METTL2A: variants seen among roughly 807,000 people sequenced by gnomAD.
METTL2A encodes the protein methyltransferase 2A, tRNA N3-cytidine.
In METTL2A, 45 loss-of-function variants were observed where a neutral mutation model predicts 49.4. The ratio of observed to expected loss-of-function variants is 0.91; its 90% confidence interval spans 0.72 to 1.17. The LOEUF is 1.17. Ranked by LOEUF, METTL2A falls within the 50% of genes most tolerant of loss-of-function variation. The probability of loss-of-function intolerance (pLI) is 0.00; values close to 1 mark genes in which losing one functional copy is unlikely to be tolerated. For missense variants in METTL2A, 361 were observed against 462.2 expected (o/e 0.78, Z 2.01); for synonymous variants, 118 against 167.5 (o/e 0.70, Z 2.28).
In METTL2A at chr17:62,450,682, C is replaced by A. The variant is rs1567739094; in HGVS notation, c.*1953C>A. ...TCCACTAAAAAATAAAAAATCAGCC[C>A]GGCATGGCTGTGGGCGCCTGTAATC... On this transcript the variant is annotated 3_prime_UTR_variant, in exon 9 of 9. Coordinates refer to ENST00000311506, the MANE Select transcript of METTL2A (RefSeq NM_181725.4). 6.6e-6 allele frequency: 1 copy of A among 151,840 alleles called. No homozygotes were observed. Among genetic ancestry groups the A allele is most frequent in the Admixed American group, 6.6e-5 (1 of 15,216 alleles). 9.4% of individuals were successfully genotyped at this position (151,840 alleles called of 1,614,324 possible). A position where few individuals can be genotyped will look rare whatever the true frequency, so the allele number is the denominator to read the frequency against.
At chr17:62,445,741 G>T (rs2144156923) in intron 7 of METTL2A, among the ~76,000 whole-genome samples, 1 of 151,406 alleles carries the variant, frequency 6.6e-6, no homozygotes, top group Admixed American at 6.6e-5. Flanking sequence ...AGGTTGCAGT[G>T]AGCCAAGATC....
At chr17:62,430,604 C>T (rs1240599954) in intron 4 of METTL2A, among the ~76,000 whole-genome samples, 1 of 152,208 alleles carries the variant, frequency 6.6e-6, no homozygotes, top group Admixed American at 6.5e-5. Flanking sequence ...GTTTCTACTA[C>T]ACTATTTCCT....
intron 4 of METTL2A, among the ~76,000 whole-genome samples, chr17:62,433,478 G>C (rs1348139206): frequency 6.6e-6 from 1 of 150,766 alleles, no homozygotes; most frequent in Non-Finnish European, 1.5e-5. Context: ...GGTGGCTCAT[G>C]CCTGTAATCT....
At chr17:62,442,487 C>T (rs1487138981) in intron 6 of METTL2A, among the ~76,000 whole-genome samples, 2 of 152,144 alleles carry the variant, frequency 1.3e-5, no homozygotes, top group Non-Finnish European at 2.9e-5. Flanking sequence ...CTATGTTGGC[C>T]AGGCTGGTCT....
rs999386885 is a variant in METTL2A at position 62,452,069 on chromosome 17, C to CA, written c.*3348dup. Among the ~76,000 whole-genome samples, 5 of 151,834 alleles carry CA rather than the reference C, an allele frequency of 3.3e-5. No homozygotes were observed. Among genetic ancestry groups the CA allele is most frequent in the African/African-American group, 9.7e-5 (4 of 41,306 alleles). ...TGAGACTCCGTCTCAAAATAAAAAA[C>CA]AAAAAAAATGTAAAAAATAAATAAT... On this transcript the variant is annotated 3_prime_UTR_variant, in exon 9 of 9. Transcript: ENST00000311506.
intron 4 of METTL2A, among the ~76,000 whole-genome samples, chr17:62,431,653 T>A (rs1192533185): frequency 6.6e-6 from 1 of 152,228 alleles, no homozygotes. Context: ...TTTCTTTTTA[T>A]ATATAGCAGC....
chr17:62,429,280 C>T (rs2070648706), intron 4 of METTL2A, among the ~76,000 whole-genome samples: 1 of 151,974 alleles, frequency 6.6e-6, no homozygotes, highest in Non-Finnish European at 1.5e-5. Flanking sequence ...TCAGTGTGGT[C>T]CTGAGGGAGT....
At chr17:62,446,152 T>G (rs944874428) in intron 7 of METTL2A, among the ~76,000 whole-genome samples, 10 of 151,782 alleles carry the variant, frequency 6.6e-5, no homozygotes, top group African/African-American at 2.2e-4. Flanking sequence ...AAAAAGAAAT[T>G]GTTACAGCCT....
chr17:62,426,415 C>G lies in METTL2A; in HGVS notation c.319C>G (p.Gln107Glu). Residue 107 changes from glutamine to glutamate, a missense_variant, in exon 3 of 9, where the codon CAA becomes GAA. Around this residue, in one of 3 missense-constraint regions of METTL2A, gnomAD observed 150 missense variants for 170.1 expected, o/e 0.88. Transcript: ENST00000311506. ...FTEFPELAPS[Q>E]NQNHLKDWFL... is the part of the protein sequence containing the mutation. ...CGAATTCCCTGAGCTGGCACCTAGC[C>G]AAAATCAAAATCATTTGAAGGACTG... 2 of 1,613,994 alleles carry G rather than the reference C, an allele frequency of 1.2e-6. No homozygotes were observed. The highest frequency in any genetic ancestry group is 2.2e-5 in the South Asian group (2 of 91,066).
chr17:62,449,384 T>G lies in METTL2A; in HGVS notation c.*655T>G, dbSNP rs2070790941. The stretch of plus-strand genomic sequence containing the variant: ...CTACAGAGAGCATCAAAATGTGGTG[T>G]TCTTGTTAAGTAATTGATCGTGGTC... On this transcript the variant is annotated 3_prime_UTR_variant, in exon 9 of 9. Coordinates refer to ENST00000311506, the MANE Select transcript of METTL2A (RefSeq NM_181725.4). 1 of 452,976 alleles carries G rather than the reference T, an allele frequency of 2.2e-6. No individual in the cohort carries two copies. The highest frequency in any genetic ancestry group is 2.4e-5 in the Admixed American group (1 of 42,364). The allele number at this position is 452,976 out of a possible 1,614,324, so 28.1% of individuals were successfully genotyped here.
chr17:62,445,294 TA>T lies in METTL2A; in HGVS notation c.916+364del, dbSNP rs879814317. On this transcript the variant is annotated intron_variant, in intron 7 of 8. Coordinates refer to ENST00000311506, the MANE Select transcript of METTL2A (RefSeq NM_181725.4). Reference sequence around the variant, plus strand: ...TGTACCCCAGAACTTAAAGTATAATTAAAAAAAAAAAAAGGTATTTGGCCAC... The same window carrying T: ...TGTACCCCAGAACTTAAAGTATAATTAAAAAAAAAAAAGGTATTTGGCCAC... Among the ~76,000 whole-genome samples, 1,317 of 137,236 alleles carry T rather than the reference TA, an allele frequency of 9.6e-3. 8 individuals carry two copies. The highest frequency in any genetic ancestry group is 0.021 in the African/African-American group (793 of 37,490). 90.0% of individuals were successfully genotyped at this position (137,236 alleles called of 152,430 possible). A position where few individuals can be genotyped will look rare whatever the true frequency, so the allele number is the denominator to read the frequency against.
chr17:62,440,637 T>G lies in METTL2A; in HGVS notation c.690T>G (p.Pro230=). 6.2e-7 allele frequency: 1 copy of G among 1,613,338 alleles called. No homozygotes were observed. The highest frequency in any genetic ancestry group is 1.1e-5 in the South Asian group (1 of 90,956). The change falls in exon 6 of 9, where the codon CCT becomes CCG. Residue 230 remains proline (P), a synonymous_variant. Transcript: ENST00000311506. ...TGCAGACAAATTCAGAATATGATCCTTCTCGGTGTTTTGCCTTTGTTCACG... is the reference window on the plus strand; with the variant it reads ...TGCAGACAAATTCAGAATATGATCCGTCTCGGTGTTTTGCCTTTGTTCACG... ...ELVQTNSEYD[P]SRCFAFVHDL... is the part of the protein sequence containing the mutation.
chr17:62,440,915 C>G (rs2070735321), intron 6 of METTL2A, among the ~76,000 whole-genome samples, 159 bp downstream of exon 6: 1 of 152,134 alleles, frequency 6.6e-6, no homozygotes, highest in African/African-American at 2.4e-5. Flanking sequence ...AAATGATCCT[C>G]CCTCCTCAGC....
chr17:62,442,130 T>C (rs1215293167), intron 6 of METTL2A, among the ~76,000 whole-genome samples: 1 of 152,238 alleles, frequency 6.6e-6, no homozygotes, highest in Non-Finnish European at 1.5e-5. Context: ...AACTAAGGTG[T>C]TCTCTGATGC....
Position 62,423,948 on chromosome 17 carries a change from A to G in METTL2A, c.46A>G (p.Lys16Glu), listed in dbSNP as rs1252159429. ...PEGAPAVLAD[K>E]RQQFGSRFLR... The stretch of plus-strand genomic sequence containing the variant: ...AGGTGCACCTGCAGTCCTCGCCGAT[A>G]AGAGGCAGCAGTTCGGAAGCCGGTT... The change falls in exon 1 of 9, where the codon AAG becomes GAG. Residue 16 changes from lysine (K) to glutamate (E), a missense_variant. Physicochemically the swap from Lys to Glu is moderately conservative, Grantham distance 56. Transcript: ENST00000311506. The G allele has an allele frequency of 6.2e-7, 1 of 1,613,888 alleles. No homozygotes were observed. The highest frequency in any genetic ancestry group is 8.5e-7 in the Non-Finnish European group (1 of 1,179,982).
At chr17:62,441,785 G>A (rs935338960) in intron 6 of METTL2A, among the ~76,000 whole-genome samples, 30 of 145,826 alleles carry the variant, frequency 2.1e-4, no homozygotes, top group Admixed American at 1.6e-3. Context: ...CTGTTGCCCC[G>A]GCTGGGGTGC....
In METTL2A at chr17:62,444,911, G is replaced by A. The variant is rs375815689; in HGVS notation, c.884G>A (p.Arg295His). ...GGMMLLRDYGRYDMAQLRFKK... is the reference protein window; with the variant it reads ...GGMMLLRDYGHYDMAQLRFKK... ...ATGATGCTTCTGCGAGATTACGGCC[G>A]CTATGACATGGCTCAGCTTCGGTTT... is the stretch of plus-strand genomic sequence containing the variant. The change falls in exon 7 of 9, where the codon CGC (arginine) becomes CAC (histidine). Residue 295 changes from arginine to histidine, a missense_variant. Coordinates refer to ENST00000311506, the MANE Select transcript of METTL2A (RefSeq NM_181725.4). The A allele has an allele frequency of 1.4e-5, 22 of 1,613,898 alleles. No individual in the cohort carries two copies. Among genetic ancestry groups the A allele is most frequent in the South Asian group, 4.4e-5 (4 of 91,082 alleles).
intron 4 of METTL2A, among the ~76,000 whole-genome samples, chr17:62,434,633 A>G (rs2070688857): frequency 6.6e-6 from 1 of 152,178 alleles, no homozygotes; most frequent in Admixed American, 6.6e-5. Context: ...TTTAAAATCA[A>G]CATTTTTTGT....
intron 6 of METTL2A, among the ~76,000 whole-genome samples, chr17:62,443,829 T>A (rs2070751967): frequency 6.6e-6 from 1 of 152,152 alleles, no homozygotes; most frequent in African/African-American, 2.4e-5. Flanking sequence ...TGACCTCAGG[T>A]GATCTGCCTG....
Sources: allele counts gnomAD v4.1 joint callset (sites outside exome capture counted in the v4.1 genomes callset), GRCh38; gene constraint gnomAD v4.1.1; regional missense constraint gnomAD v4.1.1; transcripts MANE v1.5; gene names NCBI Gene and HGNC (gene_info 2026-07-23, HGNC 2026-07-21).